The following NINJ2 variants were observed in gnomAD, a reference collection of about 807,000 sequenced individuals.
NINJ2 encodes ninjurin-2.
A neutral mutation model predicts 11.7 loss-of-function variants in NINJ2; 12 were observed. That is an observed-to-expected ratio of 1.02 (90% confidence interval 0.66 to 1.66). The LOEUF is 1.66. NINJ2 is among the 40% of genes most tolerant of loss of function. The pLI, the probability that NINJ2 is intolerant of heterozygous loss-of-function variation, is 0.00. For synonymous variants in NINJ2, 93 were observed against 76.8 expected, an observed-to-expected ratio of 1.21 and a Z score of -1.10; for missense variants, 187 against 181.8, an observed-to-expected ratio of 1.03 and a Z score of -0.16.
At chr12:621,785 C>T (rs1193846892) in intron 1 of NINJ2, among the ~76,000 whole-genome samples, 1 of 148,634 alleles carries the variant, frequency 6.7e-6, no homozygotes, top group African/African-American at 2.5e-5. Flanking sequence ...CCACTGCACT[C>T]CAGCCTGGTG....
intron 1 of NINJ2, among the ~76,000 whole-genome samples, chr12:615,647 G>C (rs1948083577): frequency 6.6e-6 from 1 of 152,122 alleles, no homozygotes; most frequent in East Asian, 1.9e-4. Context: ...ACAGCCCTTG[G>C]GAAGCCTTCC....
At chr12:613,114 T>G (rs1026954154) in intron 1 of NINJ2, among the ~76,000 whole-genome samples, 1 of 152,110 alleles carries the variant, frequency 6.6e-6, no homozygotes, top group Non-Finnish European at 1.5e-5. Flanking sequence ...GGTTCACTCC[T>G]CCTCCCCTGC....
At chr12:566,287 G>T (rs960959565) in intron 1 of NINJ2, 109 bp from the exon 2 acceptor site, 3 of 858,466 alleles carry the variant, frequency 3.5e-6, no homozygotes, top group Non-Finnish European at 5.4e-6. Flanking sequence ...CAGATGGGAA[G>T]CTCAGGGCAA....
chr12:632,271 T>C (rs533235189), intron 1 of NINJ2: 10 of 152,314 alleles, frequency 6.6e-5, no homozygotes, highest in African/African-American at 2.2e-4. Flanking sequence ...GAGATTCCAT[T>C]CAGCAAAAGC....
chr12:600,656 GTGTGTGTGTGT>G (rs1565630344), intron 1 of NINJ2, among the ~76,000 whole-genome samples: 2,416 of 16,908 alleles, frequency 0.14, 76 homozygotes, highest in Middle Eastern at 0.3. Flanking sequence ...TTTTTGGGGT[GTGTGTGTGTGT>G]GTGTGTGTGT....
At position 614,686 on chromosome 12, in the gene NINJ2, AT is replaced by A. The variant is rs570212505; in HGVS notation, c.34-48509del. Among the ~76,000 whole-genome samples the A allele has an allele frequency of 4.9e-4, 74 of 150,704 alleles. 1 individual carries two copies. The highest frequency in any genetic ancestry group is 1.7e-3 in the African/African-American group (71 of 41,042). ...TCCAGAGAAGTCACTTAGTTAGCTC[AT>A]TTTTTTTTCCTCCAAAGAAGGGAAC... On this transcript the variant is annotated intron_variant, in intron 1 of 3. Coordinates refer to ENST00000305108, the MANE Select transcript of NINJ2 (RefSeq NM_016533.6). This position sits in a 1 kb window ranked among gnomAD's most constrained non-coding sequence, Gnocchi z 5.1.
At chr12:595,432 CA>C (rs1288503259) in intron 1 of NINJ2, among the ~76,000 whole-genome samples, 1 of 152,116 alleles carries the variant, frequency 6.6e-6, no homozygotes, top group Non-Finnish European at 1.5e-5. Flanking sequence ...CTGTAAAAGA[CA>C]ATGTGAAGAG....
intron 1 of NINJ2, among the ~76,000 whole-genome samples, chr12:637,159 G>A (rs1311694378): frequency 6.6e-6 from 1 of 152,040 alleles, no homozygotes; most frequent in Non-Finnish European, 1.5e-5. Context: ...GACCAGCCTG[G>A]CCAACATGGT....
chr12:661,508 C>T (rs1937958102), intron 1 of NINJ2, among the ~76,000 whole-genome samples: 1 of 152,202 alleles, frequency 6.6e-6, no homozygotes, highest in South Asian at 2.1e-4. Context: ...ACACTAACAC[C>T]TCAGTTACCT....
In NINJ2 at chr12:581,221, C is replaced by T. The variant is rs1208950365; in HGVS notation, c.34-15043G>A. Among the ~76,000 whole-genome samples the T allele has an allele frequency of 1.3e-5, 2 of 151,636 alleles. No individual in the cohort carries two copies. The highest frequency in any genetic ancestry group is 2.9e-5 in the Non-Finnish European group (2 of 67,894). On this transcript the variant is annotated intron_variant, in intron 1 of 3. Transcript: ENST00000305108. The surrounding 1 kb of genome is among the most constrained non-coding windows in gnomAD (Gnocchi z 4.9). Reference sequence around the variant, plus strand: ...TGTGTGCGTGTGTGTGTCTATTGTCCCTGAGCTCAGCAGTATCCTGGGTCC... The same window carrying T: ...TGTGTGCGTGTGTGTGTCTATTGTCTCTGAGCTCAGCAGTATCCTGGGTCC...
At chr12:619,712 G>C (rs147484369) in intron 1 of NINJ2, among the ~76,000 whole-genome samples, 1 of 152,074 alleles carries the variant, frequency 6.6e-6, no homozygotes, top group South Asian at 2.1e-4. Context: ...TTGGGAAAAG[G>C]GGTAGCAAAG....
chr12:621,825 A>AAG (rs1459140870), intron 1 of NINJ2, among the ~76,000 whole-genome samples: 2 of 150,662 alleles, frequency 1.3e-5, no homozygotes, highest in Non-Finnish European at 3.0e-5. Context: ...CAGAAAAAAA[A>AAG]AAAAAAAGAG....
intron 1 of NINJ2, among the ~76,000 whole-genome samples, chr12:618,904 C>A (rs984485847): frequency 2.2e-4 from 34 of 152,178 alleles, no homozygotes; most frequent in African/African-American, 7.5e-4. Context: ...AATGGCCTCT[C>A]AGAGCTCTCA....
rs540201056 is a variant in NINJ2, at chr12:585,083, C to T, written c.34-18905G>A. Among the ~76,000 whole-genome samples, 2 of 152,244 alleles carry T rather than the reference C, an allele frequency of 1.3e-5. No individual in the cohort carries two copies. Among genetic ancestry groups the T allele is most frequent in the Non-Finnish European group, 2.9e-5 (2 of 68,040 alleles). The stretch of plus-strand genomic sequence containing the variant: ...GAAGTGGGCTGAGATCGCGCCACTG[C>T]GCTCCAGCCTGGGAGACAGAGCGAG... On this transcript the variant is annotated intron_variant, in intron 1 of 3. Transcript: ENST00000305108. The surrounding 1 kb of genome is among the most constrained non-coding windows in gnomAD (Gnocchi z 4.1).
At chr12:594,054 C>T (rs185699571) in intron 1 of NINJ2, among the ~76,000 whole-genome samples, 1 of 152,196 alleles carries the variant, frequency 6.6e-6, no homozygotes, top group Admixed American at 6.5e-5. Context: ...CCCCTCTCAC[C>T]ACTCCCTTTC....
intron 1 of NINJ2, among the ~76,000 whole-genome samples, chr12:608,043 G>T (rs969067088): frequency 1.3e-5 from 2 of 152,178 alleles, no homozygotes; most frequent in Non-Finnish European, 2.9e-5. Context: ...GTTCCATCTG[G>T]GCCCTCGGTG....
chr12:639,476 G>T (rs1948394089), intron 1 of NINJ2, among the ~76,000 whole-genome samples: 1 of 102,692 alleles, frequency 9.7e-6, no homozygotes, highest in South Asian at 3.1e-4. Flanking sequence ...TATGTTGAAG[G>T]TGCTCTTCTT....
chr12:606,310 GAACA>G (rs1471819340), intron 1 of NINJ2, among the ~76,000 whole-genome samples: 1 of 151,938 alleles, frequency 6.6e-6, no homozygotes, highest in Admixed American at 6.5e-5. Context: ...ATAGAAAGTA[GAACA>G]AAAAGATGAT....
Position 628,211 on chromosome 12 carries a change from C to T in NINJ2, c.33+35117G>A, listed in dbSNP as rs980613195. On this transcript the variant is annotated intron_variant, in intron 1 of 3. Coordinates refer to ENST00000305108, the MANE Select transcript of NINJ2 (RefSeq NM_016533.6). This position sits in a 1 kb window ranked among gnomAD's most constrained non-coding sequence, Gnocchi z 4.4. ...TGGAGAAGGGGCCATGAGCCTCTGG[C>T]AGGCCTCTGTGTCACACCTTTCCAC... 6.6e-6 allele frequency among the ~76,000 whole-genome samples: 1 copy of T among 151,850 alleles called. No homozygotes were observed. Among genetic ancestry groups the T allele is most frequent in the Non-Finnish European group, 1.5e-5 (1 of 68,018 alleles).
Sources: gnomAD v4.1 joint callset for allele counts (sites outside exome capture counted in the v4.1 genomes callset) on GRCh38, gnomAD v4.1.1 for gene constraint, Gnocchi (gnomAD v3.1) non-coding constraint, MANE v1.5 for transcripts, NCBI Gene and HGNC (gene_info 2026-07-23, HGNC 2026-07-21) for gene names.